FRMD4A: variants seen among roughly 807,000 people sequenced by gnomAD.
FRMD4A encodes FERM domain containing 4A, also known as FERM domain-containing protein 4A.
In FRMD4A, 29 loss-of-function variants were observed where a neutral mutation model predicts 129.1. The observed-to-expected ratio is 0.22, with a 90% CI of 0.17 to 0.31. The LOEUF (loss-of-function observed/expected upper bound fraction) is 0.31. FRMD4A is among the 10% of genes least tolerant of loss of function. The pLI, the probability that FRMD4A is intolerant of heterozygous loss-of-function variation, is 1.00. For synonymous variants in FRMD4A, 634 were observed against 571.6 expected, an observed-to-expected ratio of 1.11 and a Z score of -1.56; for missense variants, 1,272 against 1,375.8, an observed-to-expected ratio of 0.92 and a Z score of 1.19.
At chr10:13,675,146 C>T (rs2083866766) in intron 15 of FRMD4A, 102 bp from the exon 16 acceptor site, 3 of 1,077,810 alleles carry the variant, frequency 2.8e-6, no homozygotes, top group Non-Finnish European at 4.2e-6. Flanking sequence ...TGGGATTTAC[C>T]CCAGGAATCA....
intron 6 of FRMD4A, among the ~76,000 whole-genome samples, chr10:13,765,194 A>C (rs1280567109): frequency 1.4e-5 from 2 of 144,372 alleles, no homozygotes; most frequent in African/African-American, 5.2e-5. Flanking sequence ...GGCTCACTGC[A>C]ACTTCTGTCT....
intron 2 of FRMD4A, among the ~76,000 whole-genome samples, chr10:13,987,239 C>T (rs2095584922): frequency 6.6e-6 from 1 of 152,102 alleles, no homozygotes. Context: ...GGGATAGAAA[C>T]CCCAGCAGAG....
intron 12 of FRMD4A, among the ~76,000 whole-genome samples, chr10:13,716,359 A>G (rs1214714398): frequency 1.3e-5 from 2 of 152,240 alleles, no homozygotes; most frequent in African/African-American, 4.8e-5. Flanking sequence ...AGAGTGGGCT[A>G]TAATGGGAAC....
intron 2 of FRMD4A, among the ~76,000 whole-genome samples, chr10:14,041,078 G>A (rs1396205084): frequency 6.6e-6 from 1 of 152,174 alleles, no homozygotes; most frequent in East Asian, 1.9e-4. Context: ...TCATAATGAA[G>A]CTTTTAAAAT....
chr10:14,145,520 T>C (rs1224250210), intron 2 of FRMD4A, among the ~76,000 whole-genome samples: 1 of 152,188 alleles, frequency 6.6e-6, no homozygotes, highest in Non-Finnish European at 1.5e-5. Flanking sequence ...CATCTATTGT[T>C]ACGGTGCCAG....
chr10:13,780,411 G>A (rs1265960056), intron 6 of FRMD4A, among the ~76,000 whole-genome samples: 1 of 152,146 alleles, frequency 6.6e-6, no homozygotes, highest in Non-Finnish European at 1.5e-5. Context: ...GGAGGTGTGT[G>A]CTGTAAAGGG....
chr10:13,891,708 G>C, intron 2 of FRMD4A: 1 of 984,974 alleles, frequency 1.0e-6, no homozygotes, highest in African/African-American at 1.7e-5. Flanking sequence ...CCATTCGCCC[G>C]GGCGAAGGCC....
At chr10:13,702,202 G>T (rs2086897717) in intron 13 of FRMD4A, among the ~76,000 whole-genome samples, 2 of 152,104 alleles carry the variant, frequency 1.3e-5, no homozygotes, top group Non-Finnish European at 2.9e-5. Flanking sequence ...CTTCTAAGTA[G>T]CTGGGATGAC....
intron 2 of FRMD4A, among the ~76,000 whole-genome samples, chr10:14,286,535 A>G (rs541929935): frequency 1.3e-5 from 2 of 152,342 alleles, no homozygotes; most frequent in South Asian, 2.1e-4. Context: ...AAGAGCTACA[A>G]GAAGAGAAAC....
At chr10:13,976,612 G>A (rs796540288) in intron 2 of FRMD4A, among the ~76,000 whole-genome samples, 1 of 151,984 alleles carries the variant, frequency 6.6e-6, no homozygotes, top group Admixed American at 6.6e-5. Flanking sequence ...CATAATTACT[G>A]CCTTGAAAAG....
At chr10:14,080,207 G>T (rs1480285478) in intron 2 of FRMD4A, among the ~76,000 whole-genome samples, 14 of 152,018 alleles carry the variant, frequency 9.2e-5, no homozygotes, top group Admixed American at 3.3e-4. Flanking sequence ...ACCCACAAAG[G>T]CCCCCACTCT....
chr10:14,167,250 G>T (rs1203870630), intron 2 of FRMD4A, among the ~76,000 whole-genome samples: 2 of 151,874 alleles, frequency 1.3e-5, no homozygotes, highest in Non-Finnish European at 2.9e-5. Flanking sequence ...ATAAGAACAG[G>T]GCCAGGCACA....
intron 9 of FRMD4A, among the ~76,000 whole-genome samples, chr10:13,741,573 C>T (rs1478126198): frequency 6.6e-6 from 1 of 152,220 alleles, no homozygotes; most frequent in Non-Finnish European, 1.5e-5. Context: ...AATGCCCGGG[C>T]TGAGCTCCCT....
chr10:14,237,727 T>C (rs566944579), intron 2 of FRMD4A, among the ~76,000 whole-genome samples: 1 of 152,288 alleles, frequency 6.6e-6, no homozygotes, highest in African/African-American at 2.4e-5. Context: ...CCAAATAAGA[T>C]AATATGAGGA....
chr10:14,131,213 C>G (rs968654937), intron 2 of FRMD4A, among the ~76,000 whole-genome samples: 1 of 152,164 alleles, frequency 6.6e-6, no homozygotes, highest in Non-Finnish European at 1.5e-5. Flanking sequence ...GTTCACAAAT[C>G]TCTCCTCTAA....
intron 2 of FRMD4A, among the ~76,000 whole-genome samples, chr10:14,121,458 TCTAACAAG>T (rs1420502312): frequency 1.3e-5 from 2 of 152,196 alleles, no homozygotes; most frequent in African/African-American, 2.4e-5. Flanking sequence ...ATTTTGCATT[TCTAACAAG>T]CCACCAGGTG....
chr10:14,104,767 G>T (rs1412574538), intron 2 of FRMD4A, among the ~76,000 whole-genome samples: 1 of 152,226 alleles, frequency 6.6e-6, no homozygotes, highest in African/African-American at 2.4e-5. Context: ...GATTTCGTGT[G>T]GTTCAACTTA....
chr10:14,284,034 A>C (rs1845604521), intron 2 of FRMD4A, among the ~76,000 whole-genome samples: 1 of 152,210 alleles, frequency 6.6e-6, no homozygotes. Flanking sequence ...TGGTGTCTCC[A>C]CCCAAGCAGT....
intron 6 of FRMD4A, among the ~76,000 whole-genome samples, chr10:13,779,547 C>T (rs997217083): frequency 6.6e-6 from 1 of 152,172 alleles, no homozygotes; most frequent in African/African-American, 2.4e-5. Context: ...GAGTCCCTGA[C>T]ATTTTACCCA....
Sources: allele counts gnomAD v4.1 joint callset (sites outside exome capture counted in the v4.1 genomes callset), GRCh38; gene constraint gnomAD v4.1.1; transcripts MANE v1.5; gene names NCBI Gene and HGNC (gene_info 2026-07-23, HGNC 2026-07-21).